MIS18A: variants seen among roughly 807,000 people sequenced by gnomAD.
MIS18A encodes MIS18 kinetochore protein A.
A neutral mutation model predicts 25.0 loss-of-function variants in MIS18A; 14 were observed. That is an observed-to-expected ratio of 0.56 (90% CI 0.37 to 0.88). MIS18A has a LOEUF of 0.88. Among genes scored for constraint, MIS18A ranks in the 40% least tolerant of loss-of-function variants. MIS18A has a pLI of 0.00. For missense variants in MIS18A, 292 were observed against 290.8 expected, an observed-to-expected ratio of 1.00 and a Z score of -0.03; for synonymous variants, 134 against 118.6, an observed-to-expected ratio of 1.13 and a Z score of -0.84.
the MIS18A span, among the ~76,000 whole-genome samples, chr21:32,223,006 C>A: frequency 6.6e-6 from 1 of 150,858 alleles, no homozygotes; most frequent in Non-Finnish European, 1.5e-5. Context: ...GGGAACTGAG[C>A]AACCTGCTCC....
chr21:32,266,128 C>T (rs559836878), downstream of MIS18A, among the ~76,000 whole-genome samples: 9 of 150,212 alleles, frequency 6.0e-5, no homozygotes, highest in East Asian at 1.2e-3. Flanking sequence ...TTTGTAAATA[C>T]ACCAATCAGC....
the MIS18A span, among the ~76,000 whole-genome samples, chr21:32,207,263 C>T: frequency 9.9e-5 from 15 of 152,212 alleles, no homozygotes; most frequent in Non-Finnish European, 1.9e-4. Context: ...ATAAGCATCT[C>T]GTCTAGAAAG....
chr21:32,190,101 A>G, the MIS18A span, among the ~76,000 whole-genome samples: 3 of 152,246 alleles, frequency 2.0e-5, no homozygotes, highest in Non-Finnish European at 4.4e-5. Context: ...TTATTTTCAA[A>G]TAGCCCCCAA....
At chr21:32,202,212 C>A in the MIS18A span, among the ~76,000 whole-genome samples, 1 of 151,862 alleles carries the variant, frequency 6.6e-6, no homozygotes, top group African/African-American at 2.4e-5. Flanking sequence ...TCACCTGAGC[C>A]TGGAGGTTGA....
intron 4 of MIS18A, 27 bp from the exon 5 acceptor site, chr21:32,269,144 A>T (rs200621803): frequency 9.6e-6 from 14 of 1,461,730 alleles, no homozygotes; most frequent in Admixed American, 7.6e-5. Context: ...ATAAAAAAAT[A>T]AAGAAACACA....
At chr21:32,175,553 T>TA in the MIS18A span, among the ~76,000 whole-genome samples, 4,448 of 151,654 alleles carry the variant, frequency 0.029, 202 homozygotes, top group East Asian at 0.11. Context: ...CTCACTCCTG[T>TA]AATCCCAGCA....
chr21:32,156,995 AC>A, the MIS18A span, among the ~76,000 whole-genome samples: 1 of 151,500 alleles, frequency 6.6e-6, no homozygotes, highest in African/African-American at 2.4e-5. Context: ...CTCAGGGCAA[AC>A]AGAACTTATA....
the MIS18A span, among the ~76,000 whole-genome samples, chr21:32,223,402 A>G: frequency 2.0e-5 from 3 of 152,318 alleles, no homozygotes; most frequent in African/African-American, 7.2e-5. Context: ...AAAGAAGAAA[A>G]GAGAGAAGAA....
At chr21:32,244,834 A>G in the MIS18A span, among the ~76,000 whole-genome samples, 1 of 152,202 alleles carries the variant, frequency 6.6e-6, no homozygotes, top group African/African-American at 2.4e-5. Context: ...TATATAGAAG[A>G]TATCAAAATA....
the MIS18A span, among the ~76,000 whole-genome samples, chr21:32,252,241 G>GGAA: frequency 2.0e-5 from 1 of 51,126 alleles, no homozygotes. Context: ...AGAAGAAGAA[G>GGAA]GAGGAGGAGG....
At chr21:32,158,359 G>A in the MIS18A span, among the ~76,000 whole-genome samples, 16 of 151,830 alleles carry the variant, frequency 1.1e-4, no homozygotes, top group African/African-American at 3.9e-4. Flanking sequence ...TAAACTTTTT[G>A]CATTGAAAAA....
the MIS18A span, among the ~76,000 whole-genome samples, chr21:32,164,427 T>G: frequency 6.6e-6 from 1 of 152,204 alleles, no homozygotes; most frequent in Admixed American, 6.5e-5. Flanking sequence ...GAGGATACTT[T>G]ATTAGTTTCT....
the MIS18A span, among the ~76,000 whole-genome samples, chr21:32,163,266 G>A: frequency 2.0e-5 from 3 of 152,088 alleles, no homozygotes; most frequent in African/African-American, 4.8e-5. Flanking sequence ...TTTTTGCTGG[G>A]TAGATACATC....
the MIS18A span, among the ~76,000 whole-genome samples, chr21:32,200,048 G>A: frequency 6.6e-6 from 1 of 152,178 alleles, no homozygotes; most frequent in East Asian, 1.9e-4. Context: ...TGGGATACTC[G>A]GCAGTTGCCT....
rs2031662550 is a variant in MIS18A, at chr21:32,269,024, C to T, written c.*13G>A. 1 of 1,576,670 alleles carries T rather than the reference C, an allele frequency of 6.3e-7. No homozygotes were observed. Among genetic ancestry groups the T allele is most frequent in the African/African-American group, 1.3e-5 (1 of 74,096 alleles). On this transcript the variant is annotated 3_prime_UTR_variant, in exon 5 of 5. Transcript: ENST00000290130. Reference sequence around the variant, plus strand: ...GGAAGGGCGGGGGCAGAATGGAGGACACAGACTAGAGTTCAGCTTTTACAA... The same window carrying T: ...GGAAGGGCGGGGGCAGAATGGAGGATACAGACTAGAGTTCAGCTTTTACAA...
At chr21:32,202,324 G>C in the MIS18A span, among the ~76,000 whole-genome samples, 1 of 151,718 alleles carries the variant, frequency 6.6e-6, no homozygotes, top group African/African-American at 2.4e-5. Flanking sequence ...AAGAAAAAAA[G>C]AGCTCTGAGT....
At chr21:32,166,598 T>A in the MIS18A span, among the ~76,000 whole-genome samples, 1 of 152,108 alleles carries the variant, frequency 6.6e-6, no homozygotes, top group Non-Finnish European at 1.5e-5. Context: ...ATTAATTAAT[T>A]AACTAAGTAA....
At chr21:32,256,849 T>A in the MIS18A span, among the ~76,000 whole-genome samples, 1 of 152,168 alleles carries the variant, frequency 6.6e-6, no homozygotes, top group Non-Finnish European at 1.5e-5. Flanking sequence ...AACAGTTCAA[T>A]TCAAATCCTC....
chr21:32,200,080 T>C, the MIS18A span, among the ~76,000 whole-genome samples: 1 of 152,246 alleles, frequency 6.6e-6, no homozygotes, highest in African/African-American at 2.4e-5. Flanking sequence ...CAGCAAGCTT[T>C]TCCTGTAAAG....
Sources: gnomAD v4.1 joint callset for allele counts (sites outside exome capture counted in the v4.1 genomes callset) on GRCh38, gnomAD v4.1.1 for gene constraint, MANE v1.5 for transcripts, NCBI Gene and HGNC (gene_info 2026-07-23, HGNC 2026-07-21) for gene names.